CHN1: variants seen among roughly 807,000 people sequenced by gnomAD.
CHN1 encodes chimerin 1.
Under a neutral mutation model 59.5 loss-of-function variants are expected in CHN1, and 37 were observed. That is an observed-to-expected ratio of 0.62 (90% CI 0.48 to 0.82). The LOEUF is 0.82. Among genes scored for constraint, CHN1 ranks in the 40% least tolerant of loss-of-function variants. CHN1 has a pLI of 0.00. For missense variants in CHN1, 469 were observed against 571.0 expected, an observed-to-expected ratio of 0.82 and a Z score of 1.82; for synonymous variants, 206 against 200.4, an observed-to-expected ratio of 1.03 and a Z score of -0.24.
chr2:174,976,507 G>A (rs1690947263), intron 1 of CHN1, among the ~76,000 whole-genome samples: 1 of 152,044 alleles, frequency 6.6e-6, no homozygotes, highest in South Asian at 2.1e-4. Context: ...CCAAAGTGCT[G>A]GATTACAGGC....
chr2:174,961,611 A>T (rs902795553), intron 1 of CHN1, among the ~76,000 whole-genome samples: 1 of 151,804 alleles, frequency 6.6e-6, no homozygotes, highest in African/African-American at 2.4e-5. Context: ...TAAATAAATA[A>T]AAATAAAAAT....
chr2:174,880,521 C>T (rs1159553200), intron 5 of CHN1, among the ~76,000 whole-genome samples: 2 of 152,066 alleles, frequency 1.3e-5, no homozygotes, highest in Non-Finnish European at 2.9e-5. Flanking sequence ...TGTGCCCATT[C>T]TACATAAGAA....
intron 1 of CHN1, among the ~76,000 whole-genome samples, chr2:174,965,340 T>C (rs1460871788): frequency 6.6e-6 from 1 of 152,150 alleles, no homozygotes; most frequent in South Asian, 2.1e-4. Flanking sequence ...CTATATCTTA[T>C]GCATTCTTTG....
intron 7 of CHN1, among the ~76,000 whole-genome samples, chr2:174,843,386 C>T (rs1686383301): frequency 6.6e-6 from 1 of 152,206 alleles, no homozygotes; most frequent in Non-Finnish European, 1.5e-5. Context: ...ACTACAGTCA[C>T]GTGCCACCAC....
intron 11 of CHN1, chr2:174,802,126 T>A (rs1574031502): frequency 3.4e-6 from 1 of 293,704 alleles, no homozygotes; most frequent in East Asian, 8.0e-5. Flanking sequence ...CTACAAAAAA[T>A]TCAGACGTGT....
At chr2:174,850,574 C>T (rs745732688) in intron 6 of CHN1, among the ~76,000 whole-genome samples, 2 of 152,060 alleles carry the variant, frequency 1.3e-5, no homozygotes, top group Non-Finnish European at 2.9e-5. Flanking sequence ...GACAGGATTA[C>T]AGGGGTGCTG....
intron 8 of CHN1, among the ~76,000 whole-genome samples, chr2:174,822,872 G>A (rs902593578): frequency 3.3e-5 from 5 of 152,182 alleles, no homozygotes; most frequent in Non-Finnish European, 5.9e-5. Context: ...GGCGCTCCCT[G>A]ACGAACACCT....
At chr2:174,986,256 A>T (rs752291885) in intron 1 of CHN1, among the ~76,000 whole-genome samples, 49 of 152,342 alleles carry the variant, frequency 3.2e-4, no homozygotes, top group Non-Finnish European at 5.7e-4. Context: ...ATTTTATAAT[A>T]TAGCGAACAC....
intron 5 of CHN1, among the ~76,000 whole-genome samples, chr2:174,894,095 C>T (rs1688135402): frequency 6.6e-6 from 1 of 151,460 alleles, no homozygotes; most frequent in African/African-American, 2.4e-5. Context: ...GCACAAGTAA[C>T]AAGAGCAAAA....
At chr2:174,868,413 A>C (rs1272658611) in intron 6 of CHN1, among the ~76,000 whole-genome samples, 21 of 152,170 alleles carry the variant, frequency 1.4e-4, no homozygotes. Context: ...CAGAGTTCTA[A>C]AGATAGGTCA....
At chr2:175,000,849 T>C (rs1691868185) in intron 1 of CHN1, among the ~76,000 whole-genome samples, 1 of 152,158 alleles carries the variant, frequency 6.6e-6, no homozygotes, top group Non-Finnish European at 1.5e-5. Context: ...CCCCCCAAAG[T>C]GCCAGGAGGC....
intron 1 of CHN1, among the ~76,000 whole-genome samples, chr2:174,999,098 T>C (rs1312744482): frequency 6.6e-6 from 1 of 152,162 alleles, no homozygotes; most frequent in Admixed American, 6.5e-5. Context: ...AATGTAAATA[T>C]GGTCATACTG....
intron 6 of CHN1, 95 bp from the exon 7 acceptor site, chr2:174,847,052 T>G: frequency 1.3e-6 from 2 of 1,551,700 alleles, no homozygotes; most frequent in Non-Finnish European, 1.7e-6. Flanking sequence ...CAATAAATCT[T>G]GCTGACGGCC....
At chr2:174,936,700 T>C (rs183175033) in intron 3 of CHN1, among the ~76,000 whole-genome samples, 20 of 152,304 alleles carry the variant, frequency 1.3e-4, no homozygotes, top group African/African-American at 3.4e-4. Context: ...CAAAAATATG[T>C]ACCATTACTT....
intron 3 of CHN1, among the ~76,000 whole-genome samples, chr2:174,942,979 A>G (rs926215805): frequency 3.3e-5 from 5 of 151,960 alleles, no homozygotes; most frequent in African/African-American, 4.8e-5. Flanking sequence ...TGAGCTCAGG[A>G]GGTTGAGGCT....
intron 3 of CHN1, among the ~76,000 whole-genome samples, chr2:174,930,891 A>G (rs1311398087): frequency 6.6e-6 from 1 of 151,732 alleles, no homozygotes; most frequent in Non-Finnish European, 1.5e-5. Flanking sequence ...TCAGCCTCCC[A>G]AGTAGCTGGG....
intron 5 of CHN1, among the ~76,000 whole-genome samples, chr2:174,908,589 T>C (rs1022395014): frequency 7.9e-5 from 12 of 152,188 alleles, no homozygotes; most frequent in African/African-American, 2.4e-4. Flanking sequence ...CCGGCACCAT[T>C]TCTTCTTCGC....
At chr2:174,966,125 T>G (rs1690581368) in intron 1 of CHN1, among the ~76,000 whole-genome samples, 1 of 152,158 alleles carries the variant, frequency 6.6e-6, no homozygotes, top group African/African-American at 2.4e-5. Context: ...GCATTACAAC[T>G]AAGATAATTA....
At chr2:174,911,295 G>A (rs184658135) in intron 5 of CHN1, among the ~76,000 whole-genome samples, 2 of 152,266 alleles carry the variant, frequency 1.3e-5, no homozygotes, top group African/African-American at 4.8e-5. Context: ...TAGGTTACTT[G>A]TAACTGATAT....
Sources: gnomAD v4.1 joint callset for allele counts (sites outside exome capture counted in the v4.1 genomes callset) on GRCh38, gnomAD v4.1.1 for gene constraint, MANE v1.5 for transcripts, NCBI Gene and HGNC (gene_info 2026-07-23, HGNC 2026-07-21) for gene names.